The following PTCD2 variants were observed in gnomAD, a reference collection of about 807,000 sequenced individuals.
PTCD2 encodes pentatricopeptide repeat domain 2.
In PTCD2, 31 loss-of-function variants were observed where a neutral mutation model predicts 42.6. That is an observed-to-expected ratio of 0.73 (90% confidence interval 0.55 to 0.98). The LOEUF is 0.98. Ranked by LOEUF, PTCD2 falls within the 50% of genes least tolerant of loss-of-function variation. PTCD2 has a pLI of 0.00. For synonymous variants in PTCD2, 183 were observed against 170.9 expected, an observed-to-expected ratio of 1.07 and a Z score of -0.55; for missense variants, 476 against 454.8, an observed-to-expected ratio of 1.05 and a Z score of -0.42.
rs1753234161 is a variant in PTCD2 at position 72,367,664 on chromosome 5, AC to A, written c.*9239del. On this transcript the variant is annotated 3_prime_UTR_variant, in exon 10 of 10. Coordinates refer to ENST00000380639, the MANE Select transcript of PTCD2 (RefSeq NM_024754.5). ...CTGGTTGATGGCCATTTGGTCAAAC[AC>A]CTCTAGGAGTCTGGAGTTGAGTGGC... The A allele has an allele frequency of 6.6e-6, 1 of 152,138 alleles. No individual in the cohort carries two copies. Among genetic ancestry groups the A allele is most frequent in the Non-Finnish European group, 1.5e-5 (1 of 68,016 alleles). 9.4% of individuals were successfully genotyped at this position (152,138 alleles called of 1,614,324 possible).
At chr5:72,348,464 G>A (rs1292432694) in intron 8 of PTCD2, among the ~76,000 whole-genome samples, 3 of 152,108 alleles carry the variant, frequency 2.0e-5, no homozygotes, top group Admixed American at 1.3e-4. Flanking sequence ...TTATTAAATT[G>A]CTCCTGTTGC....
chr5:72,367,474 G>C lies in PTCD2; in HGVS notation c.*9047G>C, dbSNP rs1051761711. 67 of 152,258 alleles carry C rather than the reference G, an allele frequency of 4.4e-4. No homozygotes were observed. Among genetic ancestry groups the C allele is most frequent in the African/African-American group, 1.4e-3 (57 of 41,538 alleles). The allele number at this position is 152,258 out of a possible 1,614,324, so 9.4% of individuals were successfully genotyped here. A position where few individuals can be genotyped will look rare whatever the true frequency, so the allele number is the denominator to read the frequency against. ...ACTGATGAGGTAAAAGAAACAAACTGTTAATGACTCTAAACAATGTGGCCC... is the reference window on the plus strand; with the variant it reads ...ACTGATGAGGTAAAAGAAACAAACTCTTAATGACTCTAAACAATGTGGCCC... On this transcript the variant is annotated 3_prime_UTR_variant, in exon 10 of 10. Transcript: ENST00000380639.
At chr5:72,353,878 T>A (rs1752738280) in intron 9 of PTCD2, among the ~76,000 whole-genome samples, 1 of 152,188 alleles carries the variant, frequency 6.6e-6, no homozygotes, top group East Asian at 1.9e-4. Context: ...AATTTTTAAA[T>A]TGAAATACAC....
At position 72,331,316 on chromosome 5, in the gene PTCD2, G is replaced by A. The variant is rs935938676; in HGVS notation, c.409G>A (p.Val137Met). The A allele has an allele frequency of 1.9e-6, 3 of 1,613,960 alleles. No homozygotes were observed. The highest frequency in any genetic ancestry group is 1.3e-5 in the African/African-American group (1 of 74,920). ...LGEYKFGPLF[V>M]RLCYELDLEE... ...GGAGTATAAATTTGGACCGCTTTTTGTGAGGTTGTGTTACGAGTTGGATCT... is the reference window on the plus strand; with the variant it reads ...GGAGTATAAATTTGGACCGCTTTTTATGAGGTTGTGTTACGAGTTGGATCT... The change falls in exon 4 of 10, where the codon GTG (valine) becomes ATG (methionine). Residue 137 changes from valine (V) to methionine (M), a missense_variant. Transcript: ENST00000380639.
chr5:72,353,844 A>G (rs906605731), intron 9 of PTCD2, among the ~76,000 whole-genome samples: 1 of 152,246 alleles, frequency 6.6e-6, no homozygotes, highest in Non-Finnish European at 1.5e-5. Flanking sequence ...AAACCAGGAT[A>G]CATTTCAAAT....
chr5:72,345,689 G>A (rs1469996605), intron 8 of PTCD2, among the ~76,000 whole-genome samples: 1 of 152,100 alleles, frequency 6.6e-6, no homozygotes, highest in Non-Finnish European at 1.5e-5. Context: ...CTCCATTTGG[G>A]GTTCCTGACT....
Position 72,358,784 on chromosome 5 carries a change from A to G in PTCD2, c.*357A>G, listed in dbSNP as rs1353205983. On this transcript the variant is annotated 3_prime_UTR_variant, in exon 10 of 10. Transcript: ENST00000380639. Reference sequence around the variant, plus strand: ...TGTGGATAACTCTGATTTTCAAAGGAGTAGTTACTTGCAAATTACATCCTT... The same window carrying G: ...TGTGGATAACTCTGATTTTCAAAGGGGTAGTTACTTGCAAATTACATCCTT... The G allele has an allele frequency of 3.9e-6, 1 of 254,130 alleles. No individual in the cohort carries two copies. Among genetic ancestry groups the G allele is most frequent in the East Asian group, 9.1e-5 (1 of 10,990 alleles). The allele number at this position is 254,130 out of a possible 1,614,324, so 15.7% of individuals were successfully genotyped here.
At chr5:72,335,298 A>T (rs1022057184) in intron 5 of PTCD2, among the ~76,000 whole-genome samples, 26 of 151,860 alleles carry the variant, frequency 1.7e-4, no homozygotes, top group African/African-American at 6.0e-4. Flanking sequence ...AAATACAAAA[A>T]ATTAGCCGGG....
rs1354352093 is a variant in PTCD2, at chr5:72,360,305, C to G, written c.*1878C>G. ...CCCCCCAGCTTACTTTTCATCTTCT[C>G]CAACTCTCACAGTTCAAATGGCTCC... On this transcript the variant is annotated 3_prime_UTR_variant, in exon 10 of 10. Transcript: ENST00000380639. 6.6e-6 allele frequency: 1 copy of G among 152,114 alleles called. No individual in the cohort carries two copies. Among genetic ancestry groups the G allele is most frequent in the Non-Finnish European group, 1.5e-5 (1 of 68,034 alleles). The allele number at this position is 152,114 out of a possible 1,614,324, so 9.4% of individuals were successfully genotyped here. A position where few individuals can be genotyped will look rare whatever the true frequency, so the allele number is the denominator to read the frequency against.
chr5:72,353,624 A>G (rs926422697), intron 9 of PTCD2, among the ~76,000 whole-genome samples: 4 of 152,234 alleles, frequency 2.6e-5, no homozygotes, highest in Middle Eastern at 3.2e-3. Context: ...TAAAGTTTCT[A>G]TAATTCAAAC....
At chr5:72,346,383 T>C (rs551352413) in intron 8 of PTCD2, among the ~76,000 whole-genome samples, 3 of 152,280 alleles carry the variant, frequency 2.0e-5, no homozygotes, top group Middle Eastern at 3.4e-3. Context: ...AAGGCATTAA[T>C]GGTGAGGCAG....
Position 72,326,671 on chromosome 5 carries a change from G to A in PTCD2, c.280G>A (p.Glu94Lys). The change falls in exon 3 of 10, where the codon GAG becomes AAG. Residue 94 changes from glutamate (E) to lysine (K), a missense_variant. Transcript: ENST00000380639. ...LTQNKLILKG[E>K]LITLLHLCES... is the part of the protein sequence containing the mutation. ...CCAGAACAAGCTCATCTTGAAGGGG[G>A]AGTTGATAACCTTACTACATTTGTG... 6.2e-7 allele frequency: 1 copy of A among 1,614,098 alleles called. No homozygotes were observed. The highest frequency in any genetic ancestry group is 1.1e-5 in the South Asian group (1 of 91,076).
chr5:72,364,151 T>C lies in PTCD2; in HGVS notation c.*5724T>C, dbSNP rs1476440543. On this transcript the variant is annotated 3_prime_UTR_variant, in exon 10 of 10. Coordinates refer to ENST00000380639, the MANE Select transcript of PTCD2 (RefSeq NM_024754.5). ...TTACATTGGCTTAAATGGCATTAGCTCAAAAAAGTGTTCTCAAAAATTAAT... is the reference window on the plus strand; with the variant it reads ...TTACATTGGCTTAAATGGCATTAGCCCAAAAAAGTGTTCTCAAAAATTAAT... The C allele has an allele frequency of 1.3e-5, 2 of 152,234 alleles. No individual in the cohort carries two copies. The highest frequency in any genetic ancestry group is 2.9e-5 in the Non-Finnish European group (2 of 68,036). 9.4% of individuals were successfully genotyped at this position (152,234 alleles called of 1,614,324 possible).
intron 4 of PTCD2, 33 bp downstream of exon 4, chr5:72,331,408 G>A (rs1442005780): frequency 4.9e-6 from 7 of 1,438,534 alleles, no homozygotes; most frequent in African/African-American, 1.4e-5. Flanking sequence ...CTCTGCCAAT[G>A]TGTGTGTTTT....
At chr5:72,343,143 T>A in intron 8 of PTCD2, 107 bp downstream of exon 8, 1 of 471,650 alleles carries the variant, frequency 2.1e-6, no homozygotes, top group Non-Finnish European at 3.5e-6. Flanking sequence ...TGACTTGCTC[T>A]CCCAAGGTTT....
At chr5:72,352,095 C>T (rs1752650977) in intron 8 of PTCD2, among the ~76,000 whole-genome samples, 1 of 152,152 alleles carries the variant, frequency 6.6e-6, no homozygotes, top group Non-Finnish European at 1.5e-5. Context: ...TATCCAGACA[C>T]CAAAATCTCT....
chr5:72,350,194 T>G (rs1342753842), intron 8 of PTCD2, among the ~76,000 whole-genome samples: 2 of 152,238 alleles, frequency 1.3e-5, no homozygotes, highest in Admixed American at 6.5e-5. Context: ...TTAAGAACTG[T>G]GAAGAGTCAG....
At chr5:72,353,683 C>T (rs1752730489) in intron 9 of PTCD2, among the ~76,000 whole-genome samples, 1 of 152,044 alleles carries the variant, frequency 6.6e-6, no homozygotes, top group African/African-American at 2.4e-5. Context: ...AATAGAAAGT[C>T]CGGATACAGA....
Position 72,358,262 on chromosome 5 carries a change from G to C in PTCD2, c.1002G>C (p.Glu334Asp). Residue 334 changes from glutamate (E) to aspartate (D), a missense_variant, in exon 10 of 10, where the codon GAG becomes GAC. Coordinates refer to ENST00000380639, the MANE Select transcript of PTCD2 (RefSeq NM_024754.5). ...DVPALVAKFD[E>D]IYGTLHITGQ... ...CTGCCCTTGTGGCCAAATTTGATGA[G>C]ATCTATGGGACACTGCACATCACTG... The C allele has an allele frequency of 6.8e-6, 11 of 1,614,076 alleles. No homozygotes were observed. The highest frequency in any genetic ancestry group is 9.3e-6 in the Non-Finnish European group (11 of 1,179,994).
Sources: allele counts gnomAD v4.1 joint callset (sites outside exome capture counted in the v4.1 genomes callset), GRCh38; gene constraint gnomAD v4.1.1; transcripts MANE v1.5; gene names NCBI Gene and HGNC (gene_info 2026-07-23, HGNC 2026-07-21).